The following THSD4 variants were observed in gnomAD, a reference collection of about 807,000 sequenced individuals.
THSD4 encodes thrombospondin type 1 domain containing 4.
In THSD4, 69 loss-of-function variants were observed where a neutral mutation model predicts 119.0. The ratio of observed to expected loss-of-function variants is 0.58; its 90% confidence interval spans 0.48 to 0.71. THSD4 has a LOEUF of 0.71. Ranked by LOEUF, THSD4 falls within the 30% of genes least tolerant of loss-of-function variation. THSD4 has a pLI of 0.00. For synonymous variants in THSD4, 524 were observed against 540.4 expected (o/e 0.97, Z 0.42); for missense variants, 1,393 against 1,391.1 (o/e 1.00, Z -0.02).
intron 7 of THSD4, among the ~76,000 whole-genome samples, chr15:71,565,866 C>G (rs996785087): frequency 6.6e-6 from 1 of 152,198 alleles, no homozygotes; most frequent in African/African-American, 2.4e-5. Context: ...GTTAGAGGCT[C>G]TAAGCCAGCT....
intron 7 of THSD4, among the ~76,000 whole-genome samples, chr15:71,468,431 T>C (rs2047529927): frequency 6.6e-6 from 1 of 152,222 alleles, no homozygotes; most frequent in Non-Finnish European, 1.5e-5. Flanking sequence ...GCTCATATGC[T>C]AAAAGTCCCA....
chr15:71,695,918 G>C (rs1311373594), intron 8 of THSD4, among the ~76,000 whole-genome samples: 2 of 152,230 alleles, frequency 1.3e-5, no homozygotes, highest in East Asian at 3.9e-4. Flanking sequence ...TGTGTGTTGG[G>C]CAAGTTACTT....
intron 7 of THSD4, among the ~76,000 whole-genome samples, chr15:71,598,499 G>T (rs1407150784): frequency 2.0e-5 from 3 of 152,024 alleles, no homozygotes; most frequent in Admixed American, 6.6e-5. Context: ...TGGGGAGAAG[G>T]GTCCACCGTT....
At chr15:71,219,179 C>A (rs2043956455) in intron 4 of THSD4, among the ~76,000 whole-genome samples, 1 of 152,142 alleles carries the variant, frequency 6.6e-6, no homozygotes, top group African/African-American at 2.4e-5. Context: ...GGTTTTCAAC[C>A]TTGACTGACT....
chr15:71,577,142 A>T (rs1280056852), intron 7 of THSD4, among the ~76,000 whole-genome samples: 1 of 151,888 alleles, frequency 6.6e-6, no homozygotes, highest in Non-Finnish European at 1.5e-5. Context: ...CATATTCAAA[A>T]TTATCTCACC....
chr15:71,717,599 CAAAAA>C (rs5813660), intron 8 of THSD4, among the ~76,000 whole-genome samples: 1 of 143,994 alleles, frequency 6.9e-6, no homozygotes, highest in Non-Finnish European at 1.5e-5. Flanking sequence ...TTTAGCATAG[CAAAAA>C]AAAAAAAAAA....
intron 6 of THSD4, among the ~76,000 whole-genome samples, chr15:71,290,364 C>T (rs2044773404): frequency 6.6e-6 from 1 of 152,178 alleles, no homozygotes; most frequent in African/African-American, 2.4e-5. Flanking sequence ...ACCAAGAGAG[C>T]ACTTTTAAAA....
chr15:71,777,333 C>T lies in THSD4; in HGVS notation c.3016C>T (p.Arg1006Cys), dbSNP rs371833464. Residue 1006 changes from arginine to cysteine, a missense_variant, in exon 18 of 18, where the codon CGT becomes TGT. Transcript: ENST00000261862. ...GACCGCCTGCTGTGCCTCCTGCACC[C>T]GTGTGGCCAACAGGCAGACGGGCTT... ...YKTACCASCT[R>C]VANRQTGFLG... The T allele has an allele frequency of 2.9e-5, 47 of 1,614,084 alleles. No individual in the cohort carries two copies. The highest frequency in any genetic ancestry group is 3.5e-5 in the Non-Finnish European group (41 of 1,180,052).
intron 6 of THSD4, chr15:71,342,552 C>G (rs1208478610): frequency 6.5e-6 from 1 of 152,784 alleles, no homozygotes; most frequent in East Asian, 1.9e-4. Context: ...CCTGCCCACC[C>G]CCAACTTCTG....
intron 6 of THSD4, among the ~76,000 whole-genome samples, chr15:71,330,107 C>T (rs934145209): frequency 2.0e-5 from 3 of 151,622 alleles, no homozygotes; most frequent in Non-Finnish European, 4.4e-5. Flanking sequence ...AAAAAGACCA[C>T]CATGATTGTT....
intron 3 of THSD4, among the ~76,000 whole-genome samples, chr15:71,208,933 C>A (rs2140245044): frequency 6.6e-6 from 1 of 152,264 alleles, no homozygotes; most frequent in East Asian, 1.9e-4. Flanking sequence ...TGGAGGATTT[C>A]ATCCAAAATA....
At chr15:71,751,976 CT>C in intron 14 of THSD4, among the ~76,000 whole-genome samples, 1 of 152,134 alleles carries the variant, frequency 6.6e-6, no homozygotes, top group Non-Finnish European at 1.5e-5. Context: ...ATTATGAATG[CT>C]TTTTGAACTC....
chr15:71,748,476 A>G lies in THSD4; in HGVS notation c.2297A>G (p.Asn766Ser). ...ACCCGTGATGTGAAGTGTGTGAGCAACATTGGGGATGTGGTTGACGATGAG... is the reference window on the plus strand; with the variant it reads ...ACCCGTGATGTGAAGTGTGTGAGCAGCATTGGGGATGTGGTTGACGATGAG... Reference protein sequence around the residue: ...QRTRDVKCVSNIGDVVDDEEC... With the variant: ...QRTRDVKCVSSIGDVVDDEEC... Residue 766 changes from asparagine to serine, a missense_variant, in exon 14 of 18, where the codon AAC becomes AGC. By Grantham distance (46) the Asn-to-Ser change is conservative. Coordinates refer to ENST00000261862, the MANE Select transcript of THSD4 (RefSeq NM_024817.3). 3.1e-6 allele frequency: 5 copies of G among 1,614,182 alleles called. No individual in the cohort carries two copies. The highest frequency in any genetic ancestry group is 4.2e-6 in the Non-Finnish European group (5 of 1,180,028).
At chr15:71,636,297 C>T (rs1228234725) in intron 7 of THSD4, among the ~76,000 whole-genome samples, 1 of 152,070 alleles carries the variant, frequency 6.6e-6, no homozygotes, top group Non-Finnish European at 1.5e-5. Context: ...GTGGCAGGTG[C>T]CTGTAATCCC....
intron 6 of THSD4, among the ~76,000 whole-genome samples, chr15:71,300,736 G>A (rs1040836768): frequency 3.3e-5 from 5 of 152,142 alleles, no homozygotes; most frequent in African/African-American, 1.2e-4. Flanking sequence ...GAAATGTCTG[G>A]CAGGAGAACA....
intron 7 of THSD4, among the ~76,000 whole-genome samples, chr15:71,507,710 C>A (rs1470152911): frequency 6.6e-6 from 1 of 152,154 alleles, no homozygotes; most frequent in Admixed American, 6.5e-5. Context: ...GACTCCATAT[C>A]CTTTGTGCCT....
intron 8 of THSD4, among the ~76,000 whole-genome samples, chr15:71,683,539 A>G (rs1173498029): frequency 6.6e-6 from 1 of 152,204 alleles, no homozygotes; most frequent in Non-Finnish European, 1.5e-5. Flanking sequence ...GAAGAGGAGA[A>G]TGAGTGCTGG....
At chr15:71,444,799 A>G (rs982432470) in intron 7 of THSD4, among the ~76,000 whole-genome samples, 2 of 152,318 alleles carry the variant, frequency 1.3e-5, no homozygotes, top group South Asian at 2.1e-4. Flanking sequence ...GGACCATTGC[A>G]GTGGTCTACT....
intron 8 of THSD4, among the ~76,000 whole-genome samples, chr15:71,690,331 C>T (rs2052019992): frequency 6.6e-6 from 1 of 152,210 alleles, no homozygotes; most frequent in South Asian, 2.1e-4. Flanking sequence ...GTCCTTGTGG[C>T]ATGCAGCTGC....
Sources: allele counts gnomAD v4.1 joint callset (sites outside exome capture counted in the v4.1 genomes callset), GRCh38; gene constraint gnomAD v4.1.1; transcripts MANE v1.5; gene names NCBI Gene and HGNC (gene_info 2026-07-23, HGNC 2026-07-21).